Variants in SYNE3 observed in about 807,000 individuals in gnomAD.
The protein encoded by SYNE3 is nesprin-3.
In SYNE3, 100 loss-of-function variants were observed where a neutral mutation model predicts 111.2. The ratio of observed to expected loss-of-function variants is 0.90; its 90% confidence interval spans 0.77 to 1.06. The LOEUF (loss-of-function observed/expected upper bound fraction) is 1.06, where lower values mean the gene tolerates loss of function less well. SYNE3 is among the 50% of genes least tolerant of loss of function. The pLI is 0.00. For missense variants in SYNE3, 1,160 were observed against 1,240.3 expected (o/e 0.94, Z 0.97); for synonymous variants, 547 against 533.9 (o/e 1.02, Z -0.34).
intron 1 of SYNE3, among the ~76,000 whole-genome samples, chr14:95,496,597 G>A (rs897128954): frequency 3.9e-5 from 6 of 152,214 alleles, no homozygotes; most frequent in Non-Finnish European, 7.3e-5. Context: ...TGGTGAGAAC[G>A]TCTGGAATTC....
At chr14:95,419,037 C>T (rs1405726198) in intron 17 of SYNE3, among the ~76,000 whole-genome samples, 3 of 152,178 alleles carry the variant, frequency 2.0e-5, no homozygotes, top group East Asian at 3.8e-4. Flanking sequence ...AGTCCAAATG[C>T]CTAATGGACT....
intron 1 of SYNE3, among the ~76,000 whole-genome samples, chr14:95,499,951 C>T (rs376621384): frequency 6.6e-6 from 1 of 151,222 alleles, no homozygotes. Flanking sequence ...CCTCCGCCTC[C>T]CATGTTCAAG....
Position 95,417,806 on chromosome 14 carries a change from C to A in SYNE3, c.*20G>T. ...ACTGATGGAGGTTGGAGGAGAAAGT[C>A]ACCTGTGTGCCCCAGTGGGTTAGGT... On this transcript the variant is annotated 3_prime_UTR_variant, in exon 18 of 18. Transcript: ENST00000682763. 6.2e-7 allele frequency: 1 copy of A among 1,613,936 alleles called. No individual in the cohort carries two copies. Among genetic ancestry groups the A allele is most frequent in the South Asian group, 1.1e-5 (1 of 91,066 alleles).
rs1201549586 is a variant in SYNE3 at position 95,415,049 on chromosome 14, A to G, written c.*2777T>C. ...ATGTTCCAGCTTCTCCTTCCCCAAC[A>G]TGTGGTATATGTGACAGGCTGCATA... On this transcript the variant is annotated 3_prime_UTR_variant, in exon 18 of 18. Transcript: ENST00000682763. The G allele has an allele frequency of 6.6e-6, 1 of 151,464 alleles. No homozygotes were observed. The highest frequency in any genetic ancestry group is 2.4e-5 in the African/African-American group (1 of 41,202). The allele number at this position is 151,464 out of a possible 1,614,324, so 9.4% of individuals were successfully genotyped here.
intron 17 of SYNE3, among the ~76,000 whole-genome samples, chr14:95,421,004 T>C (rs146054136): frequency 2.6e-5 from 4 of 152,270 alleles, no homozygotes; most frequent in African/African-American, 7.2e-5. Context: ...TCTCGCAAGA[T>C]CTGATGGTTT....
At chr14:95,454,521 G>A (rs988594791) in intron 6 of SYNE3, among the ~76,000 whole-genome samples, 4 of 152,248 alleles carry the variant, frequency 2.6e-5, no homozygotes, top group Non-Finnish European at 5.9e-5. Flanking sequence ...CCTCCAAGGC[G>A]CATTGAGGCA....
At chr14:95,439,541 G>C (rs1886287346) in intron 13 of SYNE3, 71 bp downstream of exon 13, 8 of 1,581,002 alleles carry the variant, frequency 5.1e-6, no homozygotes. Flanking sequence ...TGCTCCACGA[G>C]CACCTGAGTG....
chr14:95,516,469 G>C (rs1299816618), intron 1 of SYNE3, among the ~76,000 whole-genome samples, 127 bp downstream of exon 1: 1 of 152,012 alleles, frequency 6.6e-6, no homozygotes, highest in Non-Finnish European at 1.5e-5. Context: ...AGGTCCCCCA[G>C]ACTTTCGGCG....
At chr14:95,451,992 A>G in intron 7 of SYNE3, 1 of 330,548 alleles carries the variant, frequency 3.0e-6, no homozygotes. Context: ...ATGAAGAGTC[A>G]TGATAGGATG....
rs1483565455 is a variant in SYNE3 at position 95,475,693 on chromosome 14, C to T, written c.129G>A (p.Arg43=). 4 of 1,579,494 alleles carry T rather than the reference C, an allele frequency of 2.5e-6. No homozygotes were observed. The highest frequency in any genetic ancestry group is 8.6e-7 in the Non-Finnish European group (1 of 1,164,882). ...TQGPRAALEA[R]LWETEKICQL... Reference sequence around the variant, plus strand: ...CTCTGCATACCTCGGTCTCCCACAGCCTGGCCTCCAGGGCCGCGCGGGGTC... The same window carrying T: ...CTCTGCATACCTCGGTCTCCCACAGTCTGGCCTCCAGGGCCGCGCGGGGTC... The change falls in exon 2 of 18, where the codon AGG becomes AGA. Residue 43 remains arginine, a synonymous_variant. Coordinates refer to ENST00000682763, the MANE Select transcript of SYNE3 (RefSeq NM_152592.6).
At chr14:95,455,242 T>C in intron 6 of SYNE3, 135 bp downstream of exon 6, 1 of 675,724 alleles carries the variant, frequency 1.5e-6, no homozygotes, top group Non-Finnish European at 2.2e-6. Flanking sequence ...GGAGCTGAGA[T>C]ACCAAGAATC....
intron 4 of SYNE3, 106 bp from the exon 5 acceptor site, chr14:95,457,444 G>GTT: frequency 7.5e-7 from 1 of 1,337,000 alleles, no homozygotes; most frequent in Non-Finnish European, 1.0e-6. Flanking sequence ...GTGTGTGTGT[G>GTT]TTAGCAGGGG....
At chr14:95,467,676 T>A (rs1462234272) in intron 3 of SYNE3, 119 bp downstream of exon 3, 22 of 1,259,036 alleles carry the variant, frequency 1.7e-5, no homozygotes, top group Non-Finnish European at 2.2e-5. Flanking sequence ...CAAGAGAATA[T>A]CCTGTCCCCC....
intron 17 of SYNE3, among the ~76,000 whole-genome samples, chr14:95,418,839 T>C (rs1884910246): frequency 6.6e-6 from 1 of 152,174 alleles, no homozygotes; most frequent in Non-Finnish European, 1.5e-5. Context: ...CCTGACCTCG[T>C]GATCCACCCT....
intron 1 of SYNE3, among the ~76,000 whole-genome samples, chr14:95,486,480 C>T (rs1293634267): frequency 3.3e-5 from 5 of 152,120 alleles, no homozygotes; most frequent in Admixed American, 2.0e-4. Flanking sequence ...GAGGGACCCT[C>T]CCTGAACCCC....
At chr14:95,494,538 C>T (rs1365244767) in intron 1 of SYNE3, among the ~76,000 whole-genome samples, 2 of 152,126 alleles carry the variant, frequency 1.3e-5, no homozygotes, top group East Asian at 3.9e-4. Flanking sequence ...GGAGAGCAGG[C>T]TGAGGGGACT....
chr14:95,463,173 T>A (rs1887945835), intron 4 of SYNE3, among the ~76,000 whole-genome samples: 1 of 151,046 alleles, frequency 6.6e-6, no homozygotes, highest in African/African-American at 2.4e-5. Context: ...AAAAAAAGAG[T>A]CCAATAACAA....
At chr14:95,432,633 CTATTATTATTATTATTATTATTAT>C (rs3036482) in intron 16 of SYNE3, among the ~76,000 whole-genome samples, 1 of 142,488 alleles carries the variant, frequency 7.0e-6, no homozygotes, top group Non-Finnish European at 1.5e-5. Context: ...ACTAGTTTTG[CTATTATTATTATTATTATTATTAT>C]TATTATTATT....
In SYNE3 at chr14:95,513,708, AT is replaced by A. The variant is rs544929275; in HGVS notation, c.-15+2887del. Among the ~76,000 whole-genome samples, 11 of 139,228 alleles carry A rather than the reference AT, an allele frequency of 7.9e-5. No homozygotes were observed. In the East Asian group the frequency reaches 2.4e-3, roughly 30 times the overall value. 91.3% of individuals were successfully genotyped at this position (139,228 alleles called of 152,430 possible). On this transcript the variant is annotated intron_variant, in intron 1 of 17. Coordinates refer to ENST00000682763, the MANE Select transcript of SYNE3 (RefSeq NM_152592.6). ...GAAACACTGCTGCTCCTGGGTTCCT[AT>A]CTTTGTGGTCCAGTCAGGCTGCTTA...
Sources: gnomAD v4.1 joint callset for allele counts (sites outside exome capture counted in the v4.1 genomes callset) on GRCh38, gnomAD v4.1.1 for gene constraint, MANE v1.5 for transcripts, NCBI Gene and HGNC (gene_info 2026-07-23, HGNC 2026-07-21) for gene names.